Variants in TNR observed in about 807,000 individuals in gnomAD.
TNR encodes tenascin R.
TNR carries 45 observed loss-of-function variants against 150.4 expected under a neutral mutation model. That is an observed-to-expected ratio of 0.30 (90% CI 0.24 to 0.38). TNR has a LOEUF of 0.38. TNR is among the 10% of genes least tolerant of loss of function. The pLI, the probability that TNR is intolerant of heterozygous loss-of-function variation, is 1.00. For synonymous variants in TNR, 687 were observed against 678.4 expected, an observed-to-expected ratio of 1.01 and a Z score of -0.20; for missense variants, 1,544 against 1,759.1, an observed-to-expected ratio of 0.88 and a Z score of 2.19.
At chr1:175,374,627 C>T (rs567116612) in intron 9 of TNR, among the ~76,000 whole-genome samples, 1 of 152,306 alleles carries the variant, frequency 6.6e-6, no homozygotes, top group African/African-American at 2.4e-5. Flanking sequence ...TATGTTGTAT[C>T]ACATCTGTAG....
At chr1:175,681,786 G>A (rs1437227502) in intron 1 of TNR, among the ~76,000 whole-genome samples, 1 of 152,168 alleles carries the variant, frequency 6.6e-6, no homozygotes, top group Non-Finnish European at 1.5e-5. Flanking sequence ...GAGCAGGAGT[G>A]GGGAGTGGGG....
intron 1 of TNR, among the ~76,000 whole-genome samples, chr1:175,709,294 CACACACACACACAT>C (rs978375395): frequency 7.2e-5 from 10 of 138,926 alleles, no homozygotes; most frequent in African/African-American, 3.1e-4. Flanking sequence ...CCCTTGCTTT[CACACACACACACAT>C]ACACACACAC....
chr1:175,520,766 C>T (rs921559478), intron 2 of TNR, among the ~76,000 whole-genome samples: 1 of 152,132 alleles, frequency 6.6e-6, no homozygotes, highest in Non-Finnish European at 1.5e-5. Flanking sequence ...TCCACGTTCA[C>T]CACTTGCATC....
At chr1:175,330,738 G>A (rs937171045) in intron 20 of TNR, among the ~76,000 whole-genome samples, 2 of 152,206 alleles carry the variant, frequency 1.3e-5, no homozygotes, top group African/African-American at 4.8e-5. Context: ...TGCCTCTCCT[G>A]CCTTCAGCCT....
intron 1 of TNR, among the ~76,000 whole-genome samples, chr1:175,555,221 A>G (rs889311607): frequency 2.6e-5 from 4 of 151,858 alleles, no homozygotes; most frequent in African/African-American, 9.7e-5. Flanking sequence ...GCTCTTCCCC[A>G]CCCCCTATAG....
intron 2 of TNR, among the ~76,000 whole-genome samples, chr1:175,467,271 C>T (rs917904175): frequency 6.6e-6 from 1 of 151,628 alleles, no homozygotes; most frequent in Non-Finnish European, 1.5e-5. Context: ...CTCTGCCCAC[C>T]GTCCACCTCT....
chr1:175,510,234 T>TAAATGAAATG (rs757375095), intron 2 of TNR, among the ~76,000 whole-genome samples: 2 of 151,938 alleles, frequency 1.3e-5, no homozygotes, highest in Non-Finnish European at 2.9e-5. Context: ...GTCTTGAAAA[T>TAAATGAAATG]AAATGAAATG....
At chr1:175,629,648 C>T (rs1490663916) in intron 1 of TNR, among the ~76,000 whole-genome samples, 1 of 152,100 alleles carries the variant, frequency 6.6e-6, no homozygotes, top group Non-Finnish European at 1.5e-5. Context: ...ACCTGAGGGC[C>T]TGGTGCGGCC....
chr1:175,411,707 G>T (rs917787182), intron 2 of TNR, among the ~76,000 whole-genome samples: 3 of 151,806 alleles, frequency 2.0e-5, no homozygotes, highest in South Asian at 2.1e-4. Context: ...AGTCACAATG[G>T]ATTAGAGGAA....
intron 2 of TNR, among the ~76,000 whole-genome samples, chr1:175,416,167 A>AACACACAG (rs1438824056): frequency 6.6e-6 from 1 of 152,000 alleles, no homozygotes. Context: ...CACATATACA[A>AACACACAG]ACACACAGAC....
At chr1:175,400,215 G>A (rs200992773) in intron 4 of TNR, among the ~76,000 whole-genome samples, 1 of 140,330 alleles carries the variant, frequency 7.1e-6, no homozygotes, top group African/African-American at 2.6e-5. Flanking sequence ...TCATATCAAA[G>A]GCTACTTCTT....
chr1:175,386,150 C>T lies in TNR; in HGVS notation c.1659G>A (p.Gln553=). The change falls in exon 8 of 23, where the codon CAG becomes CAA. Residue 553 remains glutamine, a synonymous_variant. Coordinates refer to ENST00000367674, the MANE Select transcript of TNR (RefSeq NM_003285.3). ...GCACTGAGTATTGGCTCAGGGGAGGCTGCAGCCGGAAGGTGGTCCTCCCAC... is the reference window on the plus strand; with the variant it reads ...GCACTGAGTATTGGCTCAGGGGAGGTTGCAGCCGGAAGGTGGTCCTCCCAC... ...GEGGRTTFRL[Q]PPLSQYSVQA... is the part of the protein sequence containing the mutation. 1.2e-6 allele frequency: 2 copies of T among 1,613,150 alleles called. No individual in the cohort carries two copies. The highest frequency in any genetic ancestry group is 1.7e-6 in the Non-Finnish European group (2 of 1,179,216).
At chr1:175,416,198 A>G (rs1227868507) in intron 2 of TNR, among the ~76,000 whole-genome samples, 1 of 152,154 alleles carries the variant, frequency 6.6e-6, no homozygotes, top group Non-Finnish European at 1.5e-5. Context: ...ACATAAACAT[A>G]TTGTATATGA....
intron 2 of TNR, among the ~76,000 whole-genome samples, chr1:175,449,008 T>C (rs145819353): frequency 1.4e-3 from 216 of 152,346 alleles, no homozygotes; most frequent in African/African-American, 5.0e-3. Context: ...CTGTAGGTCC[T>C]GGCATCTGAC....
At chr1:175,611,508 A>C (rs1479055648) in intron 1 of TNR, among the ~76,000 whole-genome samples, 1 of 151,776 alleles carries the variant, frequency 6.6e-6, no homozygotes, top group Non-Finnish European at 1.5e-5. Context: ...AAGTTTTTAA[A>C]ATTTTTAAAG....
chr1:175,698,476 CA>C (rs1415840631), intron 1 of TNR, among the ~76,000 whole-genome samples: 2 of 152,038 alleles, frequency 1.3e-5, no homozygotes, highest in Admixed American at 6.6e-5. Context: ...GACCAGCGGG[CA>C]GGGGCAGGGT....
chr1:175,323,524 C>T (rs201311598), intron 22 of TNR, 48 bp from the exon 23 acceptor site: 126 of 1,592,638 alleles, frequency 7.9e-5, no homozygotes, highest in Admixed American at 4.9e-4. Flanking sequence ...CACCATGGAA[C>T]GCCCCACTTC....
chr1:175,482,295 A>C (rs1657844905), intron 2 of TNR, among the ~76,000 whole-genome samples: 1 of 152,238 alleles, frequency 6.6e-6, no homozygotes. Context: ...GGATACAGGA[A>C]AGTGAAAAAA....
intron 1 of TNR, among the ~76,000 whole-genome samples, chr1:175,639,592 C>T (rs771610071): frequency 1.3e-5 from 2 of 152,176 alleles, no homozygotes; most frequent in African/African-American, 4.8e-5. Flanking sequence ...ACACCTTGCC[C>T]GGCAGCCACT....
Sources: allele counts gnomAD v4.1 joint callset (sites outside exome capture counted in the v4.1 genomes callset), GRCh38; gene constraint gnomAD v4.1.1; transcripts MANE v1.5; gene names NCBI Gene and HGNC (gene_info 2026-07-23, HGNC 2026-07-21).